KCND3: variants seen among roughly 807,000 people sequenced by gnomAD.
The protein encoded by KCND3 is A-type voltage-gated potassium channel KCND3.
Under a neutral mutation model 51.1 loss-of-function variants are expected in KCND3, and 9 were observed. That is an observed-to-expected ratio of 0.18 (90% CI 0.11 to 0.31). KCND3 has a LOEUF of 0.31. Ranked by LOEUF, KCND3 falls within the 10% of genes least tolerant of loss-of-function variation. KCND3 has a pLI of 1.00. For missense variants in KCND3, 526 were observed against 903.8 expected, an observed-to-expected ratio of 0.58 and a Z score of 5.36; for synonymous variants, 349 against 368.0, an observed-to-expected ratio of 0.95 and a Z score of 0.59.
At chr1:111,976,871 A>T (rs1415372570) in intron 2 of KCND3, among the ~76,000 whole-genome samples, 1 of 152,200 alleles carries the variant, frequency 6.6e-6, no homozygotes. Context: ...CTGATGTGCA[A>T]TCATAGTGCC....
chr1:111,859,790 T>C (rs747669439), intron 2 of KCND3, among the ~76,000 whole-genome samples: 1 of 152,242 alleles, frequency 6.6e-6, no homozygotes, highest in Non-Finnish European at 1.5e-5. Context: ...TTGTATCATA[T>C]GGCAACCACT....
At chr1:111,911,612 T>G (rs1189455393) in intron 2 of KCND3, among the ~76,000 whole-genome samples, 2 of 152,166 alleles carry the variant, frequency 1.3e-5, no homozygotes, top group African/African-American at 4.8e-5. Context: ...GGGCTCAAAT[T>G]TGGACTACAC....
chr1:111,970,013 C>G (rs1674238059), intron 2 of KCND3, among the ~76,000 whole-genome samples: 1 of 151,826 alleles, frequency 6.6e-6, no homozygotes, highest in African/African-American at 2.4e-5. Context: ...CTTTCCTTCT[C>G]TCTCTCTCTT....
intron 2 of KCND3, among the ~76,000 whole-genome samples, chr1:111,846,791 AG>A (rs1027099520): frequency 6.6e-5 from 10 of 152,214 alleles, no homozygotes; most frequent in African/African-American, 2.4e-4. Flanking sequence ...TTTGTGAAGC[AG>A]GGGTTGTCAT....
chr1:111,836,736 C>CGGGAGGT (rs1451377296), intron 2 of KCND3, among the ~76,000 whole-genome samples: 1 of 96,846 alleles, frequency 1.0e-5, no homozygotes, highest in Non-Finnish European at 2.4e-5. Flanking sequence ...CCAGCGACCC[C>CGGGAGGT]TGAGCCATTT....
chr1:111,814,789 G>C (rs1004223453), intron 2 of KCND3, among the ~76,000 whole-genome samples: 1 of 152,208 alleles, frequency 6.6e-6, no homozygotes, highest in African/African-American at 2.4e-5. Flanking sequence ...CAGCAGCCCA[G>C]CTGCCCAGAT....
At chr1:111,830,194 T>C (rs888831767) in intron 2 of KCND3, among the ~76,000 whole-genome samples, 1 of 152,216 alleles carries the variant, frequency 6.6e-6, no homozygotes, top group African/African-American at 2.4e-5. Flanking sequence ...GCTCAATACA[T>C]ATCAATTAAC....
At position 111,848,400 on chromosome 1, in the gene KCND3, C is replaced by T. The variant is rs142777526; in HGVS notation, c.1107-61294G>A. On this transcript the variant is annotated intron_variant, in intron 2 of 7. Transcript: ENST00000302127. ...AAAGTCCAATGGAAATGTCACACAG[C>T]CAGGGCTTTGGGACTAACCGCTCCT... Among the ~76,000 whole-genome samples the T allele has an allele frequency of 4.9e-3, 746 of 152,354 alleles. 9 individuals carry two copies. The highest frequency in any genetic ancestry group is 0.017 in the African/African-American group (703 of 41,576).
intron 2 of KCND3, among the ~76,000 whole-genome samples, chr1:111,938,221 C>T (rs369039139): frequency 2.0e-5 from 3 of 152,292 alleles, no homozygotes; most frequent in Non-Finnish European, 2.9e-5. Flanking sequence ...GGGGAAGTGA[C>T]CTGCCTCTGG....
At chr1:111,929,716 G>A (rs1297873788) in intron 2 of KCND3, among the ~76,000 whole-genome samples, 1 of 152,150 alleles carries the variant, frequency 6.6e-6, no homozygotes, top group Non-Finnish European at 1.5e-5. Context: ...ACCTGTCAAA[G>A]CAGTGCTCCT....
At chr1:111,925,771 A>G (rs1180305425) in intron 2 of KCND3, among the ~76,000 whole-genome samples, 1 of 152,122 alleles carries the variant, frequency 6.6e-6, no homozygotes, top group African/African-American at 2.4e-5. Context: ...TCCTATTGAA[A>G]GCTGGGGTGT....
chr1:111,911,385 G>T (rs574532646), intron 2 of KCND3, among the ~76,000 whole-genome samples: 3 of 152,174 alleles, frequency 2.0e-5, no homozygotes, highest in East Asian at 3.8e-4. Context: ...ATTTGTTGGG[G>T]CCTGGAGACC....
At chr1:111,817,239 T>A (rs1211833524) in intron 2 of KCND3, among the ~76,000 whole-genome samples, 6 of 150,458 alleles carry the variant, frequency 4.0e-5, no homozygotes, top group African/African-American at 1.2e-4. Context: ...TTTTAGCTCA[T>A]CAAAATACCA....
At chr1:111,787,174 G>C in intron 2 of KCND3, 68 bp from the exon 3 acceptor site, 2 of 1,480,562 alleles carry the variant, frequency 1.4e-6, no homozygotes, top group South Asian at 2.3e-5. Context: ...AGGCTTCCCT[G>C]CCAATCATTC....
chr1:111,787,193 A>G, intron 2 of KCND3, 87 bp from the exon 3 acceptor site: 3 of 1,286,102 alleles, frequency 2.3e-6, no homozygotes, highest in Middle Eastern at 2.1e-4. Context: ...TCACCTGTTT[A>G]TTCATTCATT....
intron 2 of KCND3, among the ~76,000 whole-genome samples, chr1:111,815,356 C>T (rs1666039625): frequency 2.0e-5 from 3 of 152,004 alleles, no homozygotes; most frequent in African/African-American, 7.3e-5. Context: ...CAGAGTCTCT[C>T]CTTGACCAAA....
At chr1:111,948,812 A>C in intron 2 of KCND3, among the ~76,000 whole-genome samples, 1 of 151,992 alleles carries the variant, frequency 6.6e-6, no homozygotes. Context: ...GAAGTGGGGA[A>C]GATGAGGGAG....
intron 2 of KCND3, among the ~76,000 whole-genome samples, chr1:111,902,881 C>T (rs1423173160): frequency 1.3e-5 from 2 of 152,176 alleles, no homozygotes; most frequent in African/African-American, 4.8e-5. Flanking sequence ...CCATTCTGAA[C>T]ACTTGTGAGA....
chr1:111,806,988 G>T (rs1296100798), intron 2 of KCND3, among the ~76,000 whole-genome samples: 1 of 152,188 alleles, frequency 6.6e-6, no homozygotes, highest in African/African-American at 2.4e-5. Context: ...TAAGGAATTT[G>T]GGTTAAGGAG....
Sources: allele counts gnomAD v4.1 joint callset (sites outside exome capture counted in the v4.1 genomes callset), GRCh38; gene constraint gnomAD v4.1.1; transcripts MANE v1.5; gene names NCBI Gene and HGNC (gene_info 2026-07-23, HGNC 2026-07-21).